RBM34: variants seen among roughly 807,000 people sequenced by gnomAD.
The protein encoded by RBM34 is RNA-binding protein 34.
In RBM34, 39 loss-of-function variants were observed where a neutral mutation model predicts 44.6. The observed-to-expected ratio is 0.87, with a 90% CI of 0.68 to 1.14. The LOEUF is 1.14. Ranked by LOEUF, RBM34 falls within the 50% of genes most tolerant of loss-of-function variation. The probability of loss-of-function intolerance (pLI) is 0.00; values close to 1 mark genes in which losing one functional copy is unlikely to be tolerated. For missense variants in RBM34, 572 were observed against 517.9 expected, an observed-to-expected ratio of 1.10 and a Z score of -1.01; for synonymous variants, 194 against 184.0, an observed-to-expected ratio of 1.05 and a Z score of -0.44.
chr1:235,160,281 T>C, intron 3 of RBM34: 2 of 670,262 alleles, frequency 3.0e-6, no homozygotes, highest in Non-Finnish European at 2.7e-6. Context: ...AATGAGGGGG[T>C]ATATGAGTGG....
intron 3 of RBM34, among the ~76,000 whole-genome samples, chr1:235,159,793 C>T (rs556881048): frequency 3.1e-4 from 47 of 149,248 alleles, no homozygotes; most frequent in African/African-American, 5.2e-4. Context: ...CACTTAAACC[C>T]GGGAGGTGGA....
rs1369453459 is a variant in RBM34, at chr1:235,131,511, A to C, written c.*202T>G. ...AGACAACAGCCAAACTCCATCTCAAAAAACAAAACAAAAACAAAAAAACCT... is the reference window on the plus strand; with the variant it reads ...AGACAACAGCCAAACTCCATCTCAACAAACAAAACAAAAACAAAAAAACCT... On this transcript the variant is annotated 3_prime_UTR_variant, in exon 11 of 11. Coordinates refer to ENST00000408888, the MANE Select transcript of RBM34 (RefSeq NM_015014.4). 5.1e-6 allele frequency: 3 copies of C among 589,740 alleles called. No homozygotes were observed. Among genetic ancestry groups the C allele is most frequent in the East Asian group, 6.2e-5 (2 of 32,418 alleles). 36.5% of individuals were successfully genotyped at this position (589,740 alleles called of 1,614,324 possible). A position where few individuals can be genotyped will look rare whatever the true frequency, so the allele number is the denominator to read the frequency against.
Position 235,160,841 on chromosome 1 carries a change from T to C in RBM34, c.228+52A>G. On this transcript the variant is annotated intron_variant, in intron 2 of 10. Transcript: ENST00000408888. ...CACGCGGTAGGTAAGAAGATTGCTT[T>C]GTATGTAAGTGGTTCTAACGAGCTA... is the stretch of plus-strand genomic sequence containing the variant. 4 of 1,589,446 alleles carry C rather than the reference T, an allele frequency of 2.5e-6. No homozygotes were observed. In the South Asian group the frequency reaches 3.4e-5, roughly 13 times the overall value.
intron 6 of RBM34, among the ~76,000 whole-genome samples, chr1:235,141,343 A>C (rs906290390): frequency 1.3e-5 from 2 of 151,936 alleles, no homozygotes; most frequent in African/African-American, 4.8e-5. Context: ...ACCAATCGAT[A>C]CTCTGTATCT....
At chr1:235,135,523 C>G in intron 10 of RBM34, 129 bp downstream of exon 10, 1 of 836,262 alleles carries the variant, frequency 1.2e-6, no homozygotes, top group East Asian at 2.4e-5. Flanking sequence ...GTCACTGCAC[C>G]TAGCCCAGTT....
chr1:235,144,950 G>A (rs933955671), intron 6 of RBM34, among the ~76,000 whole-genome samples: 3 of 152,162 alleles, frequency 2.0e-5, no homozygotes, highest in East Asian at 1.9e-4. Flanking sequence ...GGCTGAGGCA[G>A]GAGAATCACT....
intron 4 of RBM34, among the ~76,000 whole-genome samples, chr1:235,153,859 T>TCAGTGATCGTCACACAA (rs1662277310): frequency 6.6e-6 from 1 of 152,182 alleles, no homozygotes; most frequent in Admixed American, 6.6e-5. Context: ...AGGTTTTGCT[T>TCAGTGATCGTCACACAA]CAGTGATCGT....
At chr1:235,141,205 T>C (rs1661669701) in intron 6 of RBM34, among the ~76,000 whole-genome samples, 2 of 152,096 alleles carry the variant, frequency 1.3e-5, no homozygotes, top group Admixed American at 1.3e-4. Flanking sequence ...GCTGCTCTGG[T>C]GGGGCCTTGG....
At chr1:235,153,939 A>G (rs903522951) in intron 4 of RBM34, among the ~76,000 whole-genome samples, 1 of 151,996 alleles carries the variant, frequency 6.6e-6, no homozygotes, top group Non-Finnish European at 1.5e-5. Flanking sequence ...ACAAGGCACC[A>G]TTTCAGGTGT....
chr1:235,147,176 A>G (rs1389854426), intron 6 of RBM34, among the ~76,000 whole-genome samples: 1 of 152,212 alleles, frequency 6.6e-6, no homozygotes, highest in Non-Finnish European at 1.5e-5. Context: ...GGCTACAGTG[A>G]GCCAAGATCT....
In RBM34 at chr1:235,131,599, C is replaced by T. The variant is rs573356425; in HGVS notation, c.*114G>A. ...TGGAAGTCTCCACATTTCACATACA[C>T]CATCCATAAAGAAGTATAAAACTCA... is the stretch of plus-strand genomic sequence containing the variant. On this transcript the variant is annotated 3_prime_UTR_variant, in exon 11 of 11. Coordinates refer to ENST00000408888, the MANE Select transcript of RBM34 (RefSeq NM_015014.4). 11 of 1,155,196 alleles carry T rather than the reference C, an allele frequency of 9.5e-6. No individual in the cohort carries two copies. Among genetic ancestry groups the T allele is most frequent in the South Asian group, 4.8e-5 (3 of 61,926 alleles). The allele number at this position is 1,155,196 out of a possible 1,614,324, so 71.6% of individuals were successfully genotyped here.
intron 3 of RBM34, among the ~76,000 whole-genome samples, chr1:235,156,970 TC>T (rs747860458): frequency 1.2e-4 from 19 of 152,134 alleles, no homozygotes; most frequent in Non-Finnish European, 2.6e-4. Flanking sequence ...CTATTACTCC[TC>T]CCCTGAGGAC....
chr1:235,157,432 G>C (rs531071379), intron 3 of RBM34, among the ~76,000 whole-genome samples: 25 of 152,346 alleles, frequency 1.6e-4, no homozygotes, highest in African/African-American at 6.0e-4. Context: ...TAGAAGGCTA[G>C]TGGTAGCGCT....
At position 235,137,883 on chromosome 1, in the gene RBM34, G is replaced by C; in HGVS notation, c.843C>G (p.Thr281=). 6.3e-7 allele frequency: 1 copy of C among 1,595,290 alleles called. No homozygotes were observed. Among genetic ancestry groups the C allele is most frequent in the South Asian group, 1.1e-5 (1 of 89,638 alleles). ...FRIRVDLASE[T]SSRDKRSVFV... ...CAAATCAAGTACTACTTACAGATGAGGTCTCAGATGCGAGATCAACTCTAA... is the reference window on the plus strand; with the variant it reads ...CAAATCAAGTACTACTTACAGATGACGTCTCAGATGCGAGATCAACTCTAA... The change falls in exon 8 of 11, where the codon ACC becomes ACG. Residue 281 remains threonine, a synonymous_variant. Coordinates refer to ENST00000408888, the MANE Select transcript of RBM34 (RefSeq NM_015014.4).
chr1:235,154,835 A>C (rs1219050110), intron 4 of RBM34, 46 bp downstream of exon 4: 3 of 1,462,044 alleles, frequency 2.1e-6, no homozygotes, highest in African/African-American at 2.8e-5. Flanking sequence ...ACACAGGAAG[A>C]ACAAAGTTAT....
chr1:235,155,822 C>CATATATATATATAT lies in RBM34; in HGVS notation c.366-724_366-711dup, dbSNP rs1172462826. Among the ~76,000 whole-genome samples, 91 of 64,002 alleles carry CATATATATATATAT rather than the reference C, an allele frequency of 1.4e-3. 1 individual carries two copies. Among genetic ancestry groups the CATATATATATATAT allele is most frequent in the African/African-American group, 2.1e-3 (18 of 8,624 alleles). The allele number at this position is 64,002 out of a possible 152,430, so 42.0% of individuals were successfully genotyped here. On this transcript the variant is annotated intron_variant, in intron 3 of 10. Coordinates refer to ENST00000408888, the MANE Select transcript of RBM34 (RefSeq NM_015014.4). ...GTCCAGTCTTTTATACATACATATACATATATATATATATATATATATATA... is the reference window on the plus strand; with the variant it reads ...GTCCAGTCTTTTATACATACATATACATATATATATATATATATATATATATATATATATATATA...
chr1:235,154,743 T>C (rs1306825803), intron 4 of RBM34, 138 bp downstream of exon 4: 64 of 721,288 alleles, frequency 8.9e-5, no homozygotes, highest in Non-Finnish European at 1.3e-4. Context: ...GGGTGGATAC[T>C]GGAATCCATT....
At chr1:235,146,433 A>G (rs879576402) in intron 6 of RBM34, among the ~76,000 whole-genome samples, 3 of 152,150 alleles carry the variant, frequency 2.0e-5, no homozygotes, top group Non-Finnish European at 4.4e-5. Flanking sequence ...TAAGCAGAAA[A>G]AGGGAAGGTG....
chr1:235,153,177 A>C (rs1662237953), intron 4 of RBM34, among the ~76,000 whole-genome samples: 1 of 151,742 alleles, frequency 6.6e-6, no homozygotes. Flanking sequence ...GCCTACTGCC[A>C]GTTTTTAAGA....
Sources: gnomAD v4.1 joint callset for allele counts (sites outside exome capture counted in the v4.1 genomes callset) on GRCh38, gnomAD v4.1.1 for gene constraint, MANE v1.5 for transcripts, NCBI Gene and HGNC (gene_info 2026-07-23, HGNC 2026-07-21) for gene names.